The following NR2C1 variants were observed in gnomAD, a reference collection of about 807,000 sequenced individuals.
NR2C1 encodes TR2 nuclear hormone receptor.
A neutral mutation model predicts 74.8 loss-of-function variants in NR2C1; 33 were observed. The ratio of observed to expected loss-of-function variants is 0.44; its 90% confidence interval spans 0.33 to 0.59. The LOEUF (loss-of-function observed/expected upper bound fraction) is 0.59, where lower values mean the gene tolerates loss of function less well. Ranked by LOEUF, NR2C1 falls within the 20% of genes least tolerant of loss-of-function variation. The pLI is 0.02. For synonymous variants in NR2C1, 225 were observed against 240.6 expected, an observed-to-expected ratio of 0.94 and a Z score of 0.60; for missense variants, 568 against 715.6, an observed-to-expected ratio of 0.79 and a Z score of 2.35.
At chr12:95,063,758 A>G (rs57863571) in intron 2 of NR2C1, among the ~76,000 whole-genome samples, 10,694 of 152,110 alleles carry the variant, frequency 0.07, 493 homozygotes, top group South Asian at 0.14. Context: ...GGCCGGGTGC[A>G]GTGGCTCACG....
At chr12:95,042,392 T>C (rs1871665795) in intron 9 of NR2C1, among the ~76,000 whole-genome samples, 2 of 151,984 alleles carry the variant, frequency 1.3e-5, no homozygotes, top group Non-Finnish European at 2.9e-5. Context: ...TTTGTATTTT[T>C]AGTAGAGACG....
At chr12:95,023,612 C>T (rs1456377781) in intron 13 of NR2C1, among the ~76,000 whole-genome samples, 3 of 152,186 alleles carry the variant, frequency 2.0e-5, no homozygotes, top group African/African-American at 7.2e-5. Context: ...TTGCCACTTA[C>T]TGTCTCTCAC....
In NR2C1 at chr12:95,062,646, G is replaced by A. The variant is rs1332626692; in HGVS notation, c.147C>T (p.His49=). ...TQGKQFILTN[H]DGSTPSKVIL... ...TGACTTTGCTTGGAGTAGAGCCGTCGTGATTTGTCAGAATGAACTGCTTGC... is the reference window on the plus strand; with the variant it reads ...TGACTTTGCTTGGAGTAGAGCCGTCATGATTTGTCAGAATGAACTGCTTGC... Residue 49 remains histidine, a synonymous_variant, in exon 3 of 14, where the codon CAC becomes CAT. Coordinates refer to ENST00000333003, the MANE Select transcript of NR2C1 (RefSeq NM_003297.4). 5.0e-6 allele frequency: 8 copies of A among 1,614,004 alleles called. No homozygotes were observed. The highest frequency in any genetic ancestry group is 2.2e-5 in the East Asian group (1 of 44,884).
At chr12:95,025,744 T>C (rs1869286194) in intron 12 of NR2C1, among the ~76,000 whole-genome samples, 1 of 150,572 alleles carries the variant, frequency 6.6e-6, no homozygotes, top group Admixed American at 6.7e-5. Context: ...AAGCACTATA[T>C]TTTACATATT....
chr12:95,031,214 TATCTA>T, intron 11 of NR2C1, 130 bp downstream of exon 11: 1 of 722,726 alleles, frequency 1.4e-6, no homozygotes, highest in African/African-American at 1.9e-5. Flanking sequence ...TTGTAAAAAT[TATCTA>T]AAGTAAGAAG....
chr12:95,055,065 G>A (rs1028042159), intron 7 of NR2C1, among the ~76,000 whole-genome samples: 1 of 152,186 alleles, frequency 6.6e-6, no homozygotes, highest in Admixed American at 6.5e-5. Context: ...AGAGCACAGG[G>A]TTGGGGGTAA....
chr12:95,056,200 A>C (rs572397671), intron 7 of NR2C1, among the ~76,000 whole-genome samples: 1 of 152,170 alleles, frequency 6.6e-6, no homozygotes, highest in East Asian at 1.9e-4. Context: ...TGAGAGGACG[A>C]GGCTGCAGCA....
In NR2C1 at chr12:95,051,947, TA is replaced by T. The variant is rs752560970; in HGVS notation, c.784-5del. On this transcript the variant is annotated splice_region_variant and splice_polypyrimidine_tract_variant and intron_variant, in intron 7 of 13. Coordinates refer to ENST00000333003, the MANE Select transcript of NR2C1 (RefSeq NM_003297.4). ...AATCTCCCTGACATGATTCAGCCTT[TA>T]AAAAAAAGGGTATTAAAATTCTGTG... The T allele has an allele frequency of 2.4e-5, 36 of 1,524,670 alleles. No homozygotes were observed. The highest frequency in any genetic ancestry group is 1.5e-4 in the South Asian group (12 of 79,458). The allele number at this position is 1,524,670 out of a possible 1,614,324, so 94.4% of individuals were successfully genotyped here.
At chr12:95,052,988 G>T (rs1342295079) in intron 7 of NR2C1, among the ~76,000 whole-genome samples, 1 of 151,086 alleles carries the variant, frequency 6.6e-6, no homozygotes, top group African/African-American at 2.4e-5. Flanking sequence ...TGATCTATTT[G>T]TCTTTTTTTT....
chr12:95,020,550 T>A lies in NR2C1; in HGVS notation c.*1679A>T, dbSNP rs1440495544. On this transcript the variant is annotated 3_prime_UTR_variant, in exon 14 of 14. Transcript: ENST00000333003. ...TTTTAAATAGGGAAAAAAGTTTCCC[T>A]TAGTAAACTGGTAAAGACTGTAAGT... The A allele has an allele frequency of 6.6e-6, 1 of 152,224 alleles. No homozygotes were observed. The highest frequency in any genetic ancestry group is 1.5e-5 in the Non-Finnish European group (1 of 68,038). 9.4% of individuals were successfully genotyped at this position (152,224 alleles called of 1,614,324 possible). A position where few individuals can be genotyped will look rare whatever the true frequency, so the allele number is the denominator to read the frequency against.
At chr12:95,031,849 T>G (rs1475766723) in intron 10 of NR2C1, among the ~76,000 whole-genome samples, 4 of 152,254 alleles carry the variant, frequency 2.6e-5, no homozygotes, top group Admixed American at 6.5e-5. Flanking sequence ...TAAATACCTT[T>G]TAAAAGAAAG....
chr12:95,057,943 T>TA lies in NR2C1; in HGVS notation c.545-66_545-65insT, dbSNP rs1255020896. On this transcript the variant is annotated intron_variant, in intron 5 of 13. Transcript: ENST00000333003. Reference sequence around the variant, plus strand: ...TTTACAGACAATTAGAAATGTAAGCTGTAGGTAAGCTTAATGCTGCTAATA... The same window carrying TA: ...TTTACAGACAATTAGAAATGTAAGCTAGTAGGTAAGCTTAATGCTGCTAATA... The TA allele has an allele frequency of 9.2e-6, 13 of 1,415,396 alleles. No homozygotes were observed. In the Admixed American group the frequency reaches 1.9e-4, roughly 21 times the overall value. 87.7% of individuals were successfully genotyped at this position (1,415,396 alleles called of 1,614,324 possible).
At chr12:95,042,493 A>T (rs1345316835) in intron 9 of NR2C1, among the ~76,000 whole-genome samples, 1 of 152,072 alleles carries the variant, frequency 6.6e-6, no homozygotes, top group Non-Finnish European at 1.5e-5. Flanking sequence ...GATTACAGGC[A>T]TGAGCCACCG....
intron 10 of NR2C1, 53 bp downstream of exon 10, chr12:95,040,423 T>C (rs1871378642): frequency 6.5e-7 from 1 of 1,542,872 alleles, no homozygotes; most frequent in Non-Finnish European, 8.8e-7. Flanking sequence ...TTTTGTTTAA[T>C]GTACATTTGC....
chr12:95,051,662 T>C, intron 8 of NR2C1, 100 bp downstream of exon 8: 1 of 1,057,220 alleles, frequency 9.5e-7, no homozygotes, highest in Non-Finnish European at 1.3e-6. Context: ...CTGTATTTGT[T>C]TTCTGAAACT....
intron 4 of NR2C1, 104 bp from the exon 5 acceptor site, chr12:95,058,593 T>C (rs1874255588): frequency 1.1e-6 from 1 of 869,962 alleles, no homozygotes; most frequent in Non-Finnish European, 1.8e-6. Flanking sequence ...ATGAAACTGA[T>C]TTTTGAGCTT....
chr12:95,024,730 C>G (rs1869146221), intron 13 of NR2C1, among the ~76,000 whole-genome samples: 1 of 152,106 alleles, frequency 6.6e-6, no homozygotes, highest in Non-Finnish European at 1.5e-5. Flanking sequence ...GCCACCAAGC[C>G]GGGCTAATTT....
At chr12:95,067,167 C>T (rs1432629564) in intron 2 of NR2C1, 164 bp downstream of exon 2, 1 of 667,578 alleles carries the variant, frequency 1.5e-6, no homozygotes, top group Non-Finnish European at 2.7e-6. Context: ...TTACCACATT[C>T]TACTATGAAT....
intron 11 of NR2C1, chr12:95,030,494 C>G (rs1869943315): frequency 1.3e-6 from 2 of 1,552,276 alleles, no homozygotes; most frequent in Non-Finnish European, 1.7e-6. Flanking sequence ...CATAGCTTTC[C>G]TGAAGGTAGG....
Sources: gnomAD v4.1 joint callset for allele counts (sites outside exome capture counted in the v4.1 genomes callset) on GRCh38, gnomAD v4.1.1 for gene constraint, MANE v1.5 for transcripts, NCBI Gene and HGNC (gene_info 2026-07-23, HGNC 2026-07-21) for gene names.